UNC80: variants seen among roughly 807,000 people sequenced by gnomAD.
The protein encoded by UNC80 is unc-80 subunit of NALCN channel complex.
In UNC80, 164 loss-of-function variants were observed where a neutral mutation model predicts 384.6. The observed-to-expected ratio is 0.43, with a 90% CI of 0.38 to 0.49. UNC80 has a LOEUF of 0.49. Among genes scored for constraint, UNC80 ranks in the 20% least tolerant of loss-of-function variants. The pLI, the probability that UNC80 is intolerant of heterozygous loss-of-function variation, is 0.00. For missense variants in UNC80, 3,330 were observed against 4,143.0 expected (o/e 0.80, Z 5.39); for synonymous variants, 1,486 against 1,527.8 (o/e 0.97, Z 0.64).
At chr2:209,824,090 T>C (rs1375650018) in intron 13 of UNC80, among the ~76,000 whole-genome samples, 1 of 152,046 alleles carries the variant, frequency 6.6e-6, no homozygotes, top group Non-Finnish European at 1.5e-5. Flanking sequence ...GTGTTTAGAC[T>C]TGGGTCCTAT....
chr2:209,932,225 A>T (rs1335006501), intron 38 of UNC80, among the ~76,000 whole-genome samples: 1 of 152,152 alleles, frequency 6.6e-6, no homozygotes, highest in Non-Finnish European at 1.5e-5. Context: ...TGAGTCCCAT[A>T]GGGCTCTAAC....
At chr2:209,888,323 C>A in intron 26 of UNC80, 63 bp downstream of exon 26, 1 of 1,516,800 alleles carries the variant, frequency 6.6e-7, no homozygotes, top group Non-Finnish European at 8.9e-7. Flanking sequence ...GATATTTGCA[C>A]TAGGGTCTAA....
At position 209,997,961 on chromosome 2, in the gene UNC80, T is replaced by G. The variant is rs2093507229; in HGVS notation, c.*2366T>G. The G allele has an allele frequency of 6.6e-6, 1 of 151,832 alleles. No homozygotes were observed. 9.4% of individuals were successfully genotyped at this position (151,832 alleles called of 1,614,324 possible). The stretch of plus-strand genomic sequence containing the variant: ...AAGGAATAACTATTAAAAAAAAAAG[T>G]TGGGGAAGATTAGAAAAAAGCTCAA... On this transcript the variant is annotated 3_prime_UTR_variant, in exon 65 of 65. Transcript: ENST00000673920.
intron 22 of UNC80, among the ~76,000 whole-genome samples, chr2:209,858,306 T>A (rs2083086070): frequency 6.6e-6 from 1 of 152,234 alleles, no homozygotes; most frequent in Non-Finnish European, 1.5e-5. Context: ...GGCTAATAGA[T>A]AGCTACAACA....
intron 38 of UNC80, among the ~76,000 whole-genome samples, chr2:209,932,873 G>A (rs1039478769): frequency 1.3e-5 from 2 of 152,016 alleles, no homozygotes; most frequent in African/African-American, 4.8e-5. Flanking sequence ...CTTTCTATCT[G>A]GTCCTATGTT....
At chr2:209,833,979 A>T in intron 16 of UNC80, 23 bp from the exon 17 acceptor site, 1 of 1,546,636 alleles carries the variant, frequency 6.5e-7, no homozygotes, top group African/African-American at 1.4e-5. Flanking sequence ...TCTTTCTCCA[A>T]CTTCCTTCTT....
chr2:209,799,863 G>T (rs1424404683), intron 7 of UNC80, among the ~76,000 whole-genome samples: 1 of 152,170 alleles, frequency 6.6e-6, no homozygotes, highest in Non-Finnish European at 1.5e-5. Context: ...TTTATGTGAT[G>T]AATTACGTTT....
In UNC80 at chr2:209,838,211, C is replaced by T. The variant is rs1574669109; in HGVS notation, c.3042-1011C>T. On this transcript the variant is annotated intron_variant, in intron 18 of 64. Transcript: ENST00000673920. ...TTTAAAGAGAGGTTGGATCATTTTA[C>T]CTCCCCACTGGGAGTATAATAGTAA... Among the ~76,000 whole-genome samples, 7 of 152,166 alleles carry T rather than the reference C, an allele frequency of 4.6e-5. No homozygotes were observed. The South Asian group carries it at 1.5e-3, about 32-fold the overall frequency.
chr2:209,866,770 C>A (rs949388808), intron 22 of UNC80, among the ~76,000 whole-genome samples: 2 of 152,134 alleles, frequency 1.3e-5, no homozygotes, highest in African/African-American at 4.8e-5. Flanking sequence ...ATTCCTTCAT[C>A]ATACTTTCGA....
chr2:209,826,267 C>G (rs1055615075), intron 14 of UNC80, among the ~76,000 whole-genome samples: 3 of 152,202 alleles, frequency 2.0e-5, no homozygotes, highest in African/African-American at 7.2e-5. Context: ...ACATTTCTGC[C>G]TCCTGCCTAG....
At chr2:209,930,945 TA>T in intron 37 of UNC80, 22 bp from the exon 38 acceptor site, 1 of 1,507,296 alleles carries the variant, frequency 6.6e-7, no homozygotes, top group Non-Finnish European at 9.0e-7. Flanking sequence ...AAGGAAACAT[TA>T]AAAATTCTGT....
intron 4 of UNC80, among the ~76,000 whole-genome samples, chr2:209,780,589 T>C (rs935945558): frequency 6.6e-6 from 1 of 152,190 alleles, no homozygotes; most frequent in African/African-American, 2.4e-5. Context: ...CATTGTAGGA[T>C]ATTTAGTACA....
intron 9 of UNC80, 36 bp from the exon 10 acceptor site, chr2:209,816,873 G>T (rs1190366473): frequency 8.4e-6 from 13 of 1,542,856 alleles, no homozygotes; most frequent in Non-Finnish European, 1.1e-5. Flanking sequence ...CCTTTTCTTT[G>T]CCCTGTGCCT....
In UNC80 at chr2:209,904,897, A is replaced by G. The variant is rs866652124; in HGVS notation, c.4714A>G (p.Ser1572Gly). The change falls in exon 29 of 65, where the codon AGT (serine) becomes GGT (glycine). Residue 1572 changes from serine to glycine, a missense_variant. This residue lies in a region of UNC80 where 801 missense variants were observed against 950.8 expected (regional missense o/e 0.84). Transcript: ENST00000673920. ...VRAIKLLYGD[S>G]VDSLRESSNI... ...AGCCATCAAGCTACTCTATGGAGAC[A>G]GTGTGGACTCCCTGAGGGAAAGCAG... 2.6e-6 allele frequency: 4 copies of G among 1,551,826 alleles called. No individual in the cohort carries two copies. Among genetic ancestry groups the G allele is most frequent in the African/African-American group, 1.4e-5 (1 of 73,166 alleles).
At chr2:209,910,990 T>C (rs1042321408) in intron 29 of UNC80, among the ~76,000 whole-genome samples, 6 of 152,052 alleles carry the variant, frequency 3.9e-5, no homozygotes, top group Non-Finnish European at 8.8e-5. Flanking sequence ...TCTGTTCTCA[T>C]GCTGCTATAA....
rs191096505 is a variant in UNC80, at chr2:209,774,411, C to T, written c.141+1269C>T. Among the ~76,000 whole-genome samples the T allele has an allele frequency of 3.8e-4, 58 of 151,958 alleles. 1 individual carries two copies. Among genetic ancestry groups the T allele is most frequent in the African/African-American group, 1.4e-3 (57 of 41,434 alleles). ...TAATCCTGACTTTCTCTGTTCTTGG[C>T]GAAGATATTTTTGGCATTTTTAATG... On this transcript the variant is annotated intron_variant, in intron 2 of 64. Transcript: ENST00000673920.
intron 38 of UNC80, among the ~76,000 whole-genome samples, chr2:209,932,097 C>A (rs2090924200): frequency 6.6e-6 from 1 of 152,120 alleles, no homozygotes. Context: ...TGGATGGGCA[C>A]AAACTCAAGC....
At chr2:209,974,056 C>G (rs79343618) in intron 56 of UNC80, among the ~76,000 whole-genome samples, 1 of 152,256 alleles carries the variant, frequency 6.6e-6, no homozygotes, top group East Asian at 1.9e-4. Context: ...ACCACTCTTG[C>G]CATAGCGCTG....
chr2:209,888,010 A>G, intron 25 of UNC80, 85 bp from the exon 26 acceptor site: 2 of 1,378,724 alleles, frequency 1.5e-6, no homozygotes, highest in Admixed American at 2.3e-5. Flanking sequence ...GTTGTGTATA[A>G]TTCAAAATGG....
Sources: gnomAD v4.1 joint callset for allele counts (sites outside exome capture counted in the v4.1 genomes callset) on GRCh38, gnomAD v4.1.1 for gene constraint, gnomAD v4.1.1 regional missense constraint, MANE v1.5 for transcripts, NCBI Gene and HGNC (gene_info 2026-07-23, HGNC 2026-07-21) for gene names.